Variants in PLCL1 observed in about 807,000 individuals in gnomAD.
PLCL1 encodes inactive phospholipase C-like protein 1.
Under a neutral mutation model 84.4 loss-of-function variants are expected in PLCL1, and 41 were observed. That is an observed-to-expected ratio of 0.49 (90% CI 0.38 to 0.63). The LOEUF is 0.63. Ranked by LOEUF, PLCL1 falls within the 30% of genes least tolerant of loss-of-function variation. The pLI is 0.00. For missense variants in PLCL1, 1,206 were observed against 1,367.8 expected (o/e 0.88, Z 1.87); for synonymous variants, 490 against 488.3 (o/e 1.00, Z -0.05).
intron 1 of PLCL1, among the ~76,000 whole-genome samples, chr2:198,052,132 G>A (rs190792735): frequency 1.3e-5 from 2 of 152,124 alleles, no homozygotes; most frequent in Admixed American, 1.3e-4. Flanking sequence ...GGCTGGTCTC[G>A]AACTCCCTAC....
At chr2:197,979,396 T>C (rs2105803577) in intron 1 of PLCL1, among the ~76,000 whole-genome samples, 1 of 152,316 alleles carries the variant, frequency 6.6e-6, no homozygotes, top group African/African-American at 2.4e-5. Context: ...AACGTAGTTC[T>C]CTACATCACC....
intron 1 of PLCL1, among the ~76,000 whole-genome samples, chr2:197,918,969 C>T (rs62277889): frequency 0.47 from 68,963 of 146,426 alleles, 17,020 homozygotes; most frequent in East Asian, 0.76. Context: ...TCTCTCTCTC[C>T]CTCACACACA....
At chr2:197,897,175 T>C (rs968144934) in intron 1 of PLCL1, among the ~76,000 whole-genome samples, 3 of 33,308 alleles carry the variant, frequency 9.0e-5, no homozygotes, top group Admixed American at 3.0e-4. Context: ...CTTCTTCTTC[T>C]TCTTCTTCTT....
intron 1 of PLCL1, among the ~76,000 whole-genome samples, chr2:197,931,481 G>C (rs560553476): frequency 1.3e-5 from 2 of 152,212 alleles, no homozygotes; most frequent in East Asian, 1.9e-4. Flanking sequence ...ATTCATTTCT[G>C]CATGCAAATT....
chr2:198,002,911 A>C (rs541174328), intron 1 of PLCL1, among the ~76,000 whole-genome samples: 1 of 152,274 alleles, frequency 6.6e-6, no homozygotes, highest in Non-Finnish European at 1.5e-5. Flanking sequence ...TTTGGTCATC[A>C]TCCTGCTTAA....
intron 1 of PLCL1, among the ~76,000 whole-genome samples, chr2:197,989,278 C>G (rs778802444): frequency 6.6e-6 from 1 of 151,992 alleles, no homozygotes; most frequent in Non-Finnish European, 1.5e-5. Context: ...TGCTTTTGAC[C>G]TAGTTGGGGA....
chr2:197,890,701 T>TATATATATATATATACACAC (rs11270566), intron 1 of PLCL1, among the ~76,000 whole-genome samples: 12 of 118,556 alleles, frequency 1.0e-4, no homozygotes, highest in African/African-American at 4.2e-4. Flanking sequence ...TATATATATA[T>TATATATATATATATACACAC]ACACACACAC....
intron 1 of PLCL1, among the ~76,000 whole-genome samples, chr2:197,838,298 T>C (rs1691230954): frequency 6.6e-6 from 1 of 152,258 alleles, no homozygotes; most frequent in Admixed American, 6.5e-5. Context: ...AGGGCCCATG[T>C]AATTCTGCTT....
chr2:198,079,288 T>G lies in PLCL1; in HGVS notation c.241-4470T>G. On this transcript the variant is annotated intron_variant, in intron 1 of 5. Coordinates refer to ENST00000428675, the MANE Select transcript of PLCL1 (RefSeq NM_006226.4). ...TTATTAAATATTTTAATACAATTAT[T>G]AAAAATATTAAATATTTAGGAAGCT... Among the ~76,000 whole-genome samples, 2 of 151,428 alleles carry G rather than the reference T, an allele frequency of 1.3e-5. 1 individual carries two copies. The highest frequency in any genetic ancestry group is 3.0e-5 in the Non-Finnish European group (2 of 67,786).
intron 1 of PLCL1, among the ~76,000 whole-genome samples, chr2:197,937,464 TA>T (rs1479230265): frequency 6.6e-6 from 1 of 152,212 alleles, no homozygotes; most frequent in Non-Finnish European, 1.5e-5. Context: ...TAATCTTTTG[TA>T]GTTTTCATTG....
At chr2:197,821,976 G>T (rs1690826050) in intron 1 of PLCL1, among the ~76,000 whole-genome samples, 1 of 152,144 alleles carries the variant, frequency 6.6e-6, no homozygotes, top group African/African-American at 2.4e-5. Flanking sequence ...AAATTGACCA[G>T]AACACGGCTC....
At chr2:197,872,907 A>C (rs1478985423) in intron 1 of PLCL1, among the ~76,000 whole-genome samples, 1 of 152,286 alleles carries the variant, frequency 6.6e-6, no homozygotes. Flanking sequence ...AGCACAATCC[A>C]AAGTTCTTAC....
chr2:198,081,124 A>G (rs967219282), intron 1 of PLCL1, among the ~76,000 whole-genome samples: 2 of 152,224 alleles, frequency 1.3e-5, no homozygotes, highest in African/African-American at 4.8e-5. Context: ...TACTTGGGGT[A>G]TAGGAACCAT....
At chr2:197,812,386 A>G (rs1458737988) in intron 1 of PLCL1, among the ~76,000 whole-genome samples, 1 of 152,200 alleles carries the variant, frequency 6.6e-6, no homozygotes, top group Non-Finnish European at 1.5e-5. Flanking sequence ...TGCTTTCCAC[A>G]GTGACTGAAC....
At chr2:198,123,832 G>A (rs1693926538) in intron 5 of PLCL1, among the ~76,000 whole-genome samples, 1 of 151,974 alleles carries the variant, frequency 6.6e-6, no homozygotes, top group African/African-American at 2.4e-5. Flanking sequence ...CTCCTTATGA[G>A]AACCTAACTA....
intron 1 of PLCL1, among the ~76,000 whole-genome samples, chr2:197,996,628 G>T (rs1204800294): frequency 6.6e-6 from 1 of 151,836 alleles, no homozygotes. Context: ...AAAAAAGCCA[G>T]TGAAGATCAG....
chr2:198,056,477 G>A (rs1837495), intron 1 of PLCL1, among the ~76,000 whole-genome samples: 93,527 of 151,918 alleles, frequency 0.62, 29,455 homozygotes, highest in Middle Eastern at 0.84. Context: ...CTTTGAGCCA[G>A]ATTTGAATCT....
intron 1 of PLCL1, among the ~76,000 whole-genome samples, chr2:197,888,969 ATGTC>A (rs1687967601): frequency 6.6e-6 from 1 of 152,228 alleles, no homozygotes; most frequent in African/African-American, 2.4e-5. Flanking sequence ...CTTTTTCAAA[ATGTC>A]AGTGGAAAAA....
chr2:197,810,007 C>G (rs1690551456), intron 1 of PLCL1, among the ~76,000 whole-genome samples: 1 of 152,076 alleles, frequency 6.6e-6, no homozygotes, highest in Non-Finnish European at 1.5e-5. Flanking sequence ...GAATAACCAA[C>G]TTATGGATGG....
Sources: allele counts gnomAD v4.1 joint callset (sites outside exome capture counted in the v4.1 genomes callset), GRCh38; gene constraint gnomAD v4.1.1; transcripts MANE v1.5; gene names NCBI Gene and HGNC (gene_info 2026-07-23, HGNC 2026-07-21).